Variants in PPP1R9A observed in about 807,000 individuals in gnomAD.
PPP1R9A encodes protein phosphatase 1 regulatory subunit 9A, also known as neurabin-1.
In PPP1R9A, 59 loss-of-function variants were observed where a neutral mutation model predicts 141.9. The ratio of observed to expected loss-of-function variants is 0.42; its 90% CI spans 0.34 to 0.52. The LOEUF (loss-of-function observed/expected upper bound fraction) is 0.52, where lower values mean the gene tolerates loss of function less well. PPP1R9A is among the 20% of genes least tolerant of loss of function. The pLI, the probability that PPP1R9A is intolerant of heterozygous loss-of-function variation, is 0.10. For missense variants in PPP1R9A, 1,444 were observed against 1,611.9 expected, an observed-to-expected ratio of 0.90 and a Z score of 1.78; for synonymous variants, 500 against 569.7, an observed-to-expected ratio of 0.88 and a Z score of 1.74.
intron 2 of PPP1R9A, among the ~76,000 whole-genome samples, chr7:94,935,142 A>G (rs1794631845): frequency 6.6e-6 from 1 of 152,200 alleles, no homozygotes; most frequent in South Asian, 2.1e-4. Flanking sequence ...AATAATGTAC[A>G]TTGTGTTTTC....
chr7:94,991,298 A>G (rs982293443), intron 2 of PPP1R9A, among the ~76,000 whole-genome samples: 4 of 152,086 alleles, frequency 2.6e-5, no homozygotes, highest in African/African-American at 7.2e-5. Context: ...ATTTTTTCCT[A>G]AATTGGTTGG....
chr7:95,074,999 A>G (rs893637271), intron 2 of PPP1R9A, among the ~76,000 whole-genome samples: 2 of 152,180 alleles, frequency 1.3e-5, no homozygotes, highest in Admixed American at 6.5e-5. Flanking sequence ...CTCATGAACT[A>G]CATGTCCATG....
At chr7:95,232,871 A>G (rs1796168765) in intron 8 of PPP1R9A, among the ~76,000 whole-genome samples, 1 of 152,220 alleles carries the variant, frequency 6.6e-6, no homozygotes, top group Non-Finnish European at 1.5e-5. Flanking sequence ...AGGAAACAAC[A>G]GATGCTGGAG....
chr7:95,266,705 A>G (rs1374036836), intron 12 of PPP1R9A, among the ~76,000 whole-genome samples: 1 of 152,144 alleles, frequency 6.6e-6, no homozygotes, highest in East Asian at 1.9e-4. Flanking sequence ...TGTATTATAG[A>G]GCATACAATC....
At chr7:95,064,358 A>G (rs899733105) in intron 2 of PPP1R9A, among the ~76,000 whole-genome samples, 3 of 152,198 alleles carry the variant, frequency 2.0e-5, no homozygotes, top group South Asian at 2.1e-4. Context: ...TATTTTCTCT[A>G]TAAGGTACAT....
intron 2 of PPP1R9A, among the ~76,000 whole-genome samples, chr7:95,057,082 C>G (rs1381672561): frequency 6.6e-6 from 1 of 152,116 alleles, no homozygotes; most frequent in African/African-American, 2.4e-5. Flanking sequence ...GAATTTATGA[C>G]TTCATCAGAA....
rs1006027569 is a variant in PPP1R9A at position 95,214,943 on chromosome 7, A to G, written c.1957-11018A>G. 9.9e-5 allele frequency among the ~76,000 whole-genome samples: 15 copies of G among 152,024 alleles called. No homozygotes were observed. The Middle Eastern group carries it at 0.01, about 103-fold the overall frequency. On this transcript the variant is annotated intron_variant, in intron 7 of 19. Coordinates refer to ENST00000433360, the MANE Select transcript of PPP1R9A (RefSeq NM_001166160.2). The stretch of plus-strand genomic sequence containing the variant: ...CTTGAGTGGGTGACTAGACAATGAG[A>G]ATGGAGTGAAAAATCAGGAAATATT...
At chr7:95,121,551 A>G (rs1231079103) in intron 4 of PPP1R9A, among the ~76,000 whole-genome samples, 1 of 151,998 alleles carries the variant, frequency 6.6e-6, no homozygotes, top group Non-Finnish European at 1.5e-5. Flanking sequence ...TGGCTCTGAT[A>G]TATCAGGTTG....
chr7:94,994,890 CA>C (rs983297315), intron 2 of PPP1R9A, among the ~76,000 whole-genome samples: 142 of 107,594 alleles, frequency 1.3e-3, no homozygotes, highest in Admixed American at 5.9e-3. Flanking sequence ...GACTCCGTCT[CA>C]AAAAAAAAAA....
chr7:95,003,027 A>G (rs1405066440), intron 2 of PPP1R9A, among the ~76,000 whole-genome samples: 1 of 152,196 alleles, frequency 6.6e-6, no homozygotes, highest in Non-Finnish European at 1.5e-5. Flanking sequence ...AAAAAGTCCC[A>G]TAAGACACTT....
At chr7:95,277,377 T>C (rs1251315746) in intron 16 of PPP1R9A, among the ~76,000 whole-genome samples, 1 of 152,184 alleles carries the variant, frequency 6.6e-6, no homozygotes, top group Non-Finnish European at 1.5e-5. Context: ...CAAAGAAATA[T>C]GACTTGGTTC....
chr7:95,157,295 C>T (rs185591069), intron 4 of PPP1R9A, among the ~76,000 whole-genome samples: 18 of 152,234 alleles, frequency 1.2e-4, no homozygotes, highest in Admixed American at 9.2e-4. Context: ...GGTCTGCAGC[C>T]GCAATATGGG....
At chr7:94,979,145 A>G (rs1799801200) in intron 2 of PPP1R9A, among the ~76,000 whole-genome samples, 1 of 152,194 alleles carries the variant, frequency 6.6e-6, no homozygotes, top group South Asian at 2.1e-4. Flanking sequence ...GATCAAGTTT[A>G]TGGTGCTTTC....
At chr7:95,113,863 G>C (rs1272557346) in intron 3 of PPP1R9A, among the ~76,000 whole-genome samples, 2 of 152,148 alleles carry the variant, frequency 1.3e-5, no homozygotes, top group Admixed American at 6.6e-5. Context: ...TGAAAACTAT[G>C]AAGTATTAAA....
At chr7:94,932,465 G>A (rs1190023659) in intron 2 of PPP1R9A, among the ~76,000 whole-genome samples, 1 of 152,200 alleles carries the variant, frequency 6.6e-6, no homozygotes, top group Non-Finnish European at 1.5e-5. Flanking sequence ...TATGTATTCA[G>A]TGTTTGCTAA....
intron 5 of PPP1R9A, among the ~76,000 whole-genome samples, chr7:95,192,516 A>G (rs761840462): frequency 1.3e-5 from 2 of 152,048 alleles, no homozygotes; most frequent in African/African-American, 4.8e-5. Context: ...TTTTAAATGC[A>G]TTTGGCCTTG....
intron 5 of PPP1R9A, among the ~76,000 whole-genome samples, chr7:95,171,456 T>G (rs1281271979): frequency 6.6e-6 from 1 of 151,622 alleles, no homozygotes; most frequent in Non-Finnish European, 1.5e-5. Flanking sequence ...AAATCTTTAG[T>G]CAGACTTGTT....
chr7:95,282,561 C>T (rs1050427905), intron 16 of PPP1R9A, among the ~76,000 whole-genome samples: 15 of 152,160 alleles, frequency 9.9e-5, no homozygotes, highest in African/African-American at 3.6e-4. Flanking sequence ...AAGATCCTTC[C>T]CAAGTTGAAT....
Position 95,203,563 on chromosome 7 carries a change from A to G in PPP1R9A, c.1891-102A>G, listed in dbSNP as rs1340543255. 5 of 819,418 alleles carry G rather than the reference A, an allele frequency of 6.1e-6. No homozygotes were observed. The South Asian group carries it at 8.5e-5, about 14-fold the overall frequency. The allele number at this position is 819,418 out of a possible 1,614,324, so 50.8% of individuals were successfully genotyped here. A position where few individuals can be genotyped will look rare whatever the true frequency, so the allele number is the denominator to read the frequency against. ...ATTGTCTTAGTACTTAACAGTGTGT[A>G]TTACAGTAAGCACTGGGACTCAGTG... On this transcript the variant is annotated intron_variant, in intron 6 of 19. Coordinates refer to ENST00000433360, the MANE Select transcript of PPP1R9A (RefSeq NM_001166160.2).
Sources: gnomAD v4.1 joint callset for allele counts (sites outside exome capture counted in the v4.1 genomes callset) on GRCh38, gnomAD v4.1.1 for gene constraint, MANE v1.5 for transcripts, NCBI Gene and HGNC (gene_info 2026-07-23, HGNC 2026-07-21) for gene names.